Variants in PRKG1 observed in about 807,000 individuals in gnomAD.
PRKG1 encodes protein kinase cGMP-dependent 1.
Under a neutral mutation model 88.1 loss-of-function variants are expected in PRKG1, and 35 were observed. The ratio of observed to expected loss-of-function variants is 0.40; its 90% CI spans 0.30 to 0.53. PRKG1 has a LOEUF of 0.53. Among genes scored for constraint, PRKG1 ranks in the 20% least tolerant of loss-of-function variants. The probability of loss-of-function intolerance (pLI) is 0.59; values close to 1 mark genes in which losing one functional copy is unlikely to be tolerated. For synonymous variants in PRKG1, 303 were observed against 292.5 expected (o/e 1.04, Z -0.37); for missense variants, 540 against 839.8 (o/e 0.64, Z 4.41).
intron 1 of PRKG1, among the ~76,000 whole-genome samples, chr10:51,139,477 G>T (rs1243323976): frequency 6.6e-6 from 1 of 152,076 alleles, no homozygotes; most frequent in Non-Finnish European, 1.5e-5. Context: ...TTGTGTCTCT[G>T]CTATTTCTCA....
At chr10:51,327,444 C>T (rs1051673649) in intron 2 of PRKG1, among the ~76,000 whole-genome samples, 2 of 145,636 alleles carry the variant, frequency 1.4e-5, no homozygotes, top group African/African-American at 2.5e-5. Context: ...TAAACTAAAA[C>T]AAGATAGCAA....
At chr10:51,481,711 G>C (rs1440677341) in intron 3 of PRKG1, among the ~76,000 whole-genome samples, 2 of 150,334 alleles carry the variant, frequency 1.3e-5, no homozygotes, top group East Asian at 4.0e-4. Context: ...AGTAGCTTTG[G>C]AACTCACTAG....
chr10:52,157,610 G>C (rs10733902), intron 8 of PRKG1, among the ~76,000 whole-genome samples: 2 of 151,214 alleles, frequency 1.3e-5, no homozygotes, highest in East Asian at 3.9e-4. Flanking sequence ...ACTGAATTAC[G>C]GTCATCCTTG....
chr10:51,651,584 C>CTT lies in PRKG1; in HGVS notation c.593-152988_593-152987dup, dbSNP rs11464425. Among the ~76,000 whole-genome samples, 62 of 144,490 alleles carry CTT rather than the reference C, an allele frequency of 4.3e-4. 1 individual carries two copies. Among genetic ancestry groups the CTT allele is most frequent in the South Asian group, 1.8e-3 (8 of 4,474 alleles). The allele number at this position is 144,490 out of a possible 152,430, so 94.8% of individuals were successfully genotyped here. A position where few individuals can be genotyped will look rare whatever the true frequency, so the allele number is the denominator to read the frequency against. On this transcript the variant is annotated intron_variant, in intron 3 of 17. Coordinates refer to ENST00000373980, the MANE Select transcript of PRKG1 (RefSeq NM_006258.4). ...TGGCACAAAAATTTTACAGATCTTACTTTTTTTTTTTTTTAATTTAGTCAG... is the reference window on the plus strand; with the variant it reads ...TGGCACAAAAATTTTACAGATCTTACTTTTTTTTTTTTTTTTAATTTAGTCAG...
intron 2 of PRKG1, among the ~76,000 whole-genome samples, chr10:51,261,112 A>T (rs1839693804): frequency 6.6e-6 from 1 of 152,252 alleles, no homozygotes; most frequent in South Asian, 2.1e-4. Context: ...CCAAAGGAAG[A>T]TATTATTAAA....
intron 3 of PRKG1, among the ~76,000 whole-genome samples, chr10:51,513,183 A>T (rs1841471359): frequency 6.7e-6 from 1 of 149,724 alleles, no homozygotes; most frequent in South Asian, 2.1e-4. Context: ...AAAAAAAGGC[A>T]GGGGTTGCAA....
chr10:51,448,800 T>C (rs1290795647), intron 2 of PRKG1, among the ~76,000 whole-genome samples: 1 of 152,054 alleles, frequency 6.6e-6, no homozygotes, highest in Non-Finnish European at 1.5e-5. Flanking sequence ...CCTGGATACC[T>C]TAATTGTGAC....
intron 2 of PRKG1, among the ~76,000 whole-genome samples, chr10:51,410,256 G>GTA (rs34400449): frequency 0.48 from 66,688 of 139,276 alleles, 15,873 homozygotes; most frequent in Non-Finnish European, 0.55. Flanking sequence ...GTGTGTGTGT[G>GTA]TGTATATATA....
At chr10:51,791,418 A>T (rs1838866998) in intron 3 of PRKG1, among the ~76,000 whole-genome samples, 1 of 152,154 alleles carries the variant, frequency 6.6e-6, no homozygotes, top group South Asian at 2.1e-4. Context: ...CTCTGAATTT[A>T]CTTGAAGTCT....
chr10:51,467,916 C>A, intron 3 of PRKG1, 80 bp downstream of exon 3: 1 of 1,110,862 alleles, frequency 9.0e-7, no homozygotes, highest in South Asian at 1.3e-5. Context: ...AATGCCCATT[C>A]ATTTAATCTT....
chr10:51,379,223 C>T (rs1190885587), intron 2 of PRKG1, among the ~76,000 whole-genome samples: 1 of 152,120 alleles, frequency 6.6e-6, no homozygotes, highest in Non-Finnish European at 1.5e-5. Flanking sequence ...CTTGTGATGT[C>T]TGGCACAAGG....
At chr10:51,471,867 A>C (rs988884537) in intron 3 of PRKG1, among the ~76,000 whole-genome samples, 1 of 151,904 alleles carries the variant, frequency 6.6e-6, no homozygotes, top group African/African-American at 2.4e-5. Context: ...TAATCACCAC[A>C]GAAAGTTATC....
At chr10:51,521,627 C>T (rs1244925471) in intron 3 of PRKG1, among the ~76,000 whole-genome samples, 1 of 152,212 alleles carries the variant, frequency 6.6e-6, no homozygotes, top group Non-Finnish European at 1.5e-5. Context: ...AACCTTTACT[C>T]AGCTGATTTA....
At chr10:51,950,027 G>A (rs1843147059) in intron 5 of PRKG1, among the ~76,000 whole-genome samples, 1 of 152,120 alleles carries the variant, frequency 6.6e-6, no homozygotes, top group Admixed American at 6.5e-5. Flanking sequence ...TGTCACCAAA[G>A]GCATTTTAGC....
At chr10:52,242,942 GAAA>G (rs1169084146) in intron 9 of PRKG1, among the ~76,000 whole-genome samples, 2 of 151,258 alleles carry the variant, frequency 1.3e-5, no homozygotes, top group Non-Finnish European at 3.0e-5. Flanking sequence ...GAAAGAAGAA[GAAA>G]AAAGAAAAGA....
intron 5 of PRKG1, among the ~76,000 whole-genome samples, chr10:51,994,025 T>A (rs536628615): frequency 6.6e-6 from 1 of 152,300 alleles, no homozygotes; most frequent in Admixed American, 6.5e-5. Flanking sequence ...CACTGAACTA[T>A]GTTCTGAAAC....
At chr10:51,344,222 G>A (rs763736256) in intron 2 of PRKG1, among the ~76,000 whole-genome samples, 6 of 152,134 alleles carry the variant, frequency 3.9e-5, no homozygotes, top group African/African-American at 1.2e-4. Context: ...GAGCAGGCAC[G>A]TCACATGGCT....
At chr10:51,232,427 TAG>T (rs1276068888) in intron 2 of PRKG1, among the ~76,000 whole-genome samples, 10 of 152,204 alleles carry the variant, frequency 6.6e-5, no homozygotes, top group Admixed American at 6.5e-4. Context: ...CTGTTTGAGA[TAG>T]ACACTTTGAT....
intron 7 of PRKG1, among the ~76,000 whole-genome samples, chr10:52,065,283 T>A (rs1846329695): frequency 6.6e-6 from 1 of 152,098 alleles, no homozygotes; most frequent in South Asian, 2.1e-4. Flanking sequence ...CAACAACCAA[T>A]AAACATTTAT....
Sources: allele counts gnomAD v4.1 joint callset (sites outside exome capture counted in the v4.1 genomes callset), GRCh38; gene constraint gnomAD v4.1.1; transcripts MANE v1.5; gene names NCBI Gene and HGNC (gene_info 2026-07-23, HGNC 2026-07-21).